Variants in HPF1 observed in about 807,000 individuals in gnomAD.
HPF1 encodes the protein histone PARylation factor 1, also known as UPF0609 protein C4orf27.
Under a neutral mutation model 38.8 loss-of-function variants are expected in HPF1, and 35 were observed. The observed-to-expected ratio is 0.90, with a 90% CI of 0.69 to 1.19. HPF1 has a LOEUF of 1.19. HPF1 is among the 50% of genes most tolerant of loss of function. The pLI, the probability that HPF1 is intolerant of heterozygous loss-of-function variation, is 0.00. For missense variants in HPF1, 367 were observed against 405.8 expected (o/e 0.90, Z 0.82); for synonymous variants, 115 against 139.2 (o/e 0.83, Z 1.22).
intron 5 of HPF1, among the ~76,000 whole-genome samples, chr4:169,740,893 T>C (rs1733960844): frequency 6.6e-6 from 1 of 152,236 alleles, no homozygotes; most frequent in Non-Finnish European, 1.5e-5. Flanking sequence ...CTATTATGTG[T>C]ACGGATGCTC....
chr4:169,736,971 A>G (rs936407256), intron 6 of HPF1, among the ~76,000 whole-genome samples: 1 of 152,224 alleles, frequency 6.6e-6, no homozygotes, highest in Non-Finnish European at 1.5e-5. Flanking sequence ...TCTGAAAGCT[A>G]AATCATTTTA....
chr4:169,755,178 G>A (rs1165196978), intron 1 of HPF1, among the ~76,000 whole-genome samples: 2 of 151,214 alleles, frequency 1.3e-5, no homozygotes, highest in Non-Finnish European at 2.9e-5. Flanking sequence ...GGTCATGGTG[G>A]CATTAATTCC....
chr4:169,733,452 T>G (rs1733854781), intron 6 of HPF1, among the ~76,000 whole-genome samples: 1 of 152,140 alleles, frequency 6.6e-6, no homozygotes, highest in Non-Finnish European at 1.5e-5. Context: ...CAACAAAACA[T>G]TTCCAAACAG....
intron 6 of HPF1, among the ~76,000 whole-genome samples, chr4:169,732,646 A>G (rs187700229): frequency 6.6e-6 from 1 of 152,310 alleles, no homozygotes; most frequent in Admixed American, 6.5e-5. Flanking sequence ...TAGCCCACAA[A>G]GTGTAAAACA....
Position 169,750,525 on chromosome 4 carries a change from A to C in HPF1, c.398+11T>G. ...CAGCTGTATTTTAGAGGCGAAGAAAAGATCCTTTACCTGAAATACCCCATG... is the reference window on the plus strand; with the variant it reads ...CAGCTGTATTTTAGAGGCGAAGAAACGATCCTTTACCTGAAATACCCCATG... On this transcript the variant is annotated intron_variant, in intron 3 of 7. Transcript: ENST00000393381. 6.4e-7 allele frequency: 1 copy of C among 1,564,166 alleles called. No individual in the cohort carries two copies. Among genetic ancestry groups the C allele is most frequent in the African/African-American group, 1.4e-5 (1 of 73,010 alleles).
At chr4:169,746,998 A>G (rs1734057867) in intron 4 of HPF1, among the ~76,000 whole-genome samples, 1 of 151,052 alleles carries the variant, frequency 6.6e-6, no homozygotes, top group African/African-American at 2.4e-5. Flanking sequence ...TTTTTAAAAA[A>G]AAAAAAAAAC....
intron 4 of HPF1, among the ~76,000 whole-genome samples, chr4:169,742,591 G>C (rs1733986559): frequency 6.6e-6 from 1 of 152,196 alleles, no homozygotes; most frequent in Admixed American, 6.5e-5. Flanking sequence ...AGGAGATCAA[G>C]ACCATCCTGG....
At chr4:169,752,634 TTAACA>T (rs1397688590) in intron 2 of HPF1, among the ~76,000 whole-genome samples, 2 of 152,190 alleles carry the variant, frequency 1.3e-5, no homozygotes, top group African/African-American at 2.4e-5. Context: ...TCTTTTTCAC[TTAACA>T]TATTTCAGGC....
chr4:169,748,616 C>A, intron 4 of HPF1, 128 bp downstream of exon 4: 1 of 500,976 alleles, frequency 2.0e-6, no homozygotes, highest in Non-Finnish European at 3.6e-6. Context: ...AAGCGATCTG[C>A]CCACCTCGGC....
intron 1 of HPF1, among the ~76,000 whole-genome samples, chr4:169,754,186 C>G (rs1447585197): frequency 6.6e-6 from 1 of 152,180 alleles, no homozygotes; most frequent in Non-Finnish European, 1.5e-5. Context: ...GTCTTTTAAA[C>G]AGATTCATTG....
chr4:169,755,625 A>T (rs1056488056), intron 1 of HPF1, among the ~76,000 whole-genome samples: 6 of 152,240 alleles, frequency 3.9e-5, no homozygotes, highest in Admixed American at 6.5e-5. Context: ...CTATGGCTAC[A>T]CAATATGGAC....
intron 4 of HPF1, among the ~76,000 whole-genome samples, chr4:169,746,554 G>T (rs183248449): frequency 1.1e-3 from 167 of 151,868 alleles, no homozygotes; most frequent in African/African-American, 3.9e-3. Flanking sequence ...GGTTAAATTG[G>T]CATTTCTTTA....
At chr4:169,748,711 A>G in intron 4 of HPF1, 33 bp downstream of exon 4, 1 of 1,064,900 alleles carries the variant, frequency 9.4e-7, no homozygotes, top group Non-Finnish European at 1.4e-6. Flanking sequence ...TAGTATAAAC[A>G]TTGTAAACAA....
chr4:169,756,403 C>T (rs1734188867), intron 1 of HPF1, among the ~76,000 whole-genome samples: 1 of 152,220 alleles, frequency 6.6e-6, no homozygotes, highest in South Asian at 2.1e-4. Flanking sequence ...CCTGAGCTAT[C>T]CTATCTTCTG....
chr4:169,748,276 TGAA>T (rs1024151345), intron 4 of HPF1, among the ~76,000 whole-genome samples: 1 of 152,134 alleles, frequency 6.6e-6, no homozygotes, highest in Non-Finnish European at 1.5e-5. Flanking sequence ...ATTTTTTTGG[TGAA>T]GAGGCACAAA....
intron 4 of HPF1, among the ~76,000 whole-genome samples, chr4:169,744,032 T>C (rs1734013662): frequency 6.6e-6 from 1 of 152,216 alleles, no homozygotes; most frequent in South Asian, 2.1e-4. Flanking sequence ...ACGGTTACAC[T>C]AAATCTTACC....
At chr4:169,735,264 A>T (rs2150289210) in intron 6 of HPF1, among the ~76,000 whole-genome samples, 1 of 152,312 alleles carries the variant, frequency 6.6e-6, no homozygotes, top group Non-Finnish European at 1.5e-5. Flanking sequence ...AGAATTAAAT[A>T]CATCACTTGT....
chr4:169,737,819 A>C, intron 5 of HPF1, 72 bp from the exon 6 acceptor site: 1 of 910,198 alleles, frequency 1.1e-6, no homozygotes. Flanking sequence ...CAAATACATA[A>C]ACCCTCAACA....
chr4:169,751,114 GT>G (rs1334427653), intron 2 of HPF1, among the ~76,000 whole-genome samples: 3 of 152,064 alleles, frequency 2.0e-5, no homozygotes, highest in Non-Finnish European at 4.4e-5. Context: ...ATTAAGAGTA[GT>G]AAAAAACAGG....
Sources: allele counts gnomAD v4.1 joint callset (sites outside exome capture counted in the v4.1 genomes callset), GRCh38; gene constraint gnomAD v4.1.1; transcripts MANE v1.5; gene names NCBI Gene and HGNC (gene_info 2026-07-23, HGNC 2026-07-21).